STK24: variants seen among roughly 807,000 people sequenced by gnomAD.
STK24 encodes the protein serine/threonine kinase 24.
In STK24, 21 loss-of-function variants were observed where a neutral mutation model predicts 55.6. That is an observed-to-expected ratio of 0.38 (90% CI 0.27 to 0.54). The LOEUF is 0.54. Among genes scored for constraint, STK24 ranks in the 20% least tolerant of loss-of-function variants. The pLI is 0.79. For synonymous variants in STK24, 200 were observed against 215.2 expected (o/e 0.93, Z 0.62); for missense variants, 383 against 538.4 (o/e 0.71, Z 2.86).
chr13:98,529,694 C>T (rs575537206), intron 1 of STK24, among the ~76,000 whole-genome samples: 9 of 152,078 alleles, frequency 5.9e-5, no homozygotes, highest in Non-Finnish European at 1.3e-4. Context: ...GACAAACAAA[C>T]CACCAAACAG....
At chr13:98,566,181 G>T (rs1897565367) in intron 1 of STK24, among the ~76,000 whole-genome samples, 1 of 152,236 alleles carries the variant, frequency 6.6e-6, no homozygotes, top group Non-Finnish European at 1.5e-5. Flanking sequence ...CAATGAAATG[G>T]AGATTTTTCT....
intron 1 of STK24, among the ~76,000 whole-genome samples, chr13:98,546,563 G>T (rs1897033227): frequency 6.6e-6 from 1 of 152,196 alleles, no homozygotes; most frequent in African/African-American, 2.4e-5. Context: ...CAGATGGGCT[G>T]CGTGTCCTTC....
At position 98,566,283 on chromosome 13, in the gene STK24, T is replaced by A. The variant is rs111687401; in HGVS notation, c.42+10462A>T. 3.9e-3 allele frequency among the ~76,000 whole-genome samples: 587 copies of A among 152,368 alleles called. 5 individuals are homozygous for A. The highest frequency in any genetic ancestry group is 0.013 in the African/African-American group (543 of 41,580). On this transcript the variant is annotated intron_variant, in intron 1 of 10. Transcript: ENST00000539966. ...AAATAAAAACGCCCAAAACACCCTC[T>A]GTTCACAGCCCTGAACTCAGCTGTT... is the stretch of plus-strand genomic sequence containing the variant.
chr13:98,459,972 T>C (rs115340815), intron 9 of STK24, among the ~76,000 whole-genome samples: 123 of 152,224 alleles, frequency 8.1e-4, no homozygotes, highest in African/African-American at 2.7e-3. Flanking sequence ...CAGTGAAACA[T>C]GTGGCTCAGG....
In STK24 at chr13:98,446,296, C is replaced by A; in HGVS notation, c.*6877G>T. The A allele has an allele frequency of 1.3e-6, 1 of 799,032 alleles. No individual in the cohort carries two copies. Among genetic ancestry groups the A allele is most frequent in the Admixed American group, 2.3e-5 (1 of 43,078 alleles). 49.5% of individuals were successfully genotyped at this position (799,032 alleles called of 1,614,324 possible). A position where few individuals can be genotyped will look rare whatever the true frequency, so the allele number is the denominator to read the frequency against. Reference sequence around the variant, plus strand: ...CGCCCTCCTCTGGAATGACTCAGGCCTCTTGGGCTCCAGGTGTCACGGGGA... The same window carrying A: ...CGCCCTCCTCTGGAATGACTCAGGCATCTTGGGCTCCAGGTGTCACGGGGA... On this transcript the variant is annotated 3_prime_UTR_variant, in exon 11 of 11. Coordinates refer to ENST00000539966, the MANE Select transcript of STK24 (RefSeq NM_001032296.4).
intron 2 of STK24, among the ~76,000 whole-genome samples, chr13:98,495,855 C>T (rs2139333506): frequency 6.6e-6 from 1 of 152,326 alleles, no homozygotes; most frequent in South Asian, 2.1e-4. Flanking sequence ...TTAGTCCACC[C>T]AAAAGCAAAC....
chr13:98,464,439 G>C (rs1418942517), intron 6 of STK24, among the ~76,000 whole-genome samples: 4 of 147,872 alleles, frequency 2.7e-5, no homozygotes, highest in African/African-American at 7.5e-5. Flanking sequence ...TTATCTCCTA[G>C]TTTATAAAAT....
chr13:98,457,036 CTCTG>C (rs1893490781), intron 10 of STK24, 128 bp downstream of exon 10: 1 of 1,109,670 alleles, frequency 9.0e-7, no homozygotes, highest in Admixed American at 2.9e-5. Context: ...TCTAATTCAA[CTCTG>C]TCTACCCTGA....
intron 1 of STK24, among the ~76,000 whole-genome samples, chr13:98,521,320 C>T (rs1896253014): frequency 6.6e-6 from 1 of 152,164 alleles, no homozygotes; most frequent in Non-Finnish European, 1.5e-5. Flanking sequence ...CACGGCACTA[C>T]ATTTCAAATG....
intron 2 of STK24, among the ~76,000 whole-genome samples, chr13:98,491,806 A>T (rs1386547793): frequency 6.6e-6 from 1 of 152,210 alleles, no homozygotes; most frequent in Non-Finnish European, 1.5e-5. Context: ...AAATGAATCC[A>T]ATCATTTTTA....
chr13:98,521,935 C>T (rs1190242061), intron 1 of STK24: 6 of 1,201,744 alleles, frequency 5.0e-6, no homozygotes, highest in South Asian at 1.3e-5. Context: ...TGGCTCTCTG[C>T]CCTTGGCAAC....
At chr13:98,533,765 C>A (rs1232290804) in intron 1 of STK24, among the ~76,000 whole-genome samples, 1 of 152,106 alleles carries the variant, frequency 6.6e-6, no homozygotes, top group Admixed American at 6.6e-5. Flanking sequence ...ACCCAACACA[C>A]ACACACACAC....
At position 98,557,446 on chromosome 13, in the gene STK24, C is replaced by T. The variant is rs1480747714; in HGVS notation, c.42+19299G>A. On this transcript the variant is annotated intron_variant, in intron 1 of 10. Transcript: ENST00000539966. ...CCAGGGCACCTCCCTCCCTCCATCA[C>T]CATCATCACTGAAGCCTGCCCCGCT... Among the ~76,000 whole-genome samples the T allele has an allele frequency of 5.9e-5, 9 of 152,372 alleles. No individual in the cohort carries two copies. In the South Asian group the frequency reaches 1.0e-3, roughly 18 times the overall value.
chr13:98,459,889 G>T (rs1366231094), intron 9 of STK24, among the ~76,000 whole-genome samples: 1 of 152,232 alleles, frequency 6.6e-6, no homozygotes, highest in African/African-American at 2.4e-5. Flanking sequence ...CTCTGGGAGG[G>T]AGAGGCTGAG....
intron 1 of STK24, among the ~76,000 whole-genome samples, chr13:98,568,686 G>A (rs1897652151): frequency 6.6e-6 from 1 of 152,006 alleles, no homozygotes; most frequent in Admixed American, 6.6e-5. Context: ...GCTCCACATG[G>A]TGAAACCTCA....
In STK24 at chr13:98,548,206, A is replaced by C. The variant is rs149394430; in HGVS notation, c.42+28539T>G. Among the ~76,000 whole-genome samples, 9 of 152,332 alleles carry C rather than the reference A, an allele frequency of 5.9e-5. No homozygotes were observed. The East Asian group carries it at 1.7e-3, about 29-fold the overall frequency. On this transcript the variant is annotated intron_variant, in intron 1 of 10. Coordinates refer to ENST00000539966, the MANE Select transcript of STK24 (RefSeq NM_001032296.4). ...ACATATTATAGTTCCTGGGGCTAAAAATAAGATGTTTTCTTATTCTCCTGG... is the reference window on the plus strand; with the variant it reads ...ACATATTATAGTTCCTGGGGCTAAACATAAGATGTTTTCTTATTCTCCTGG...
chr13:98,519,572 C>T (rs992614123), intron 1 of STK24, 99 bp from the exon 2 acceptor site: 118 of 920,254 alleles, frequency 1.3e-4, no homozygotes, highest in Non-Finnish European at 9.3e-5. Context: ...ACACTGTCTT[C>T]CAGGGACTCA....
intron 2 of STK24, among the ~76,000 whole-genome samples, chr13:98,484,163 A>G (rs1894716862): frequency 6.6e-6 from 1 of 152,214 alleles, no homozygotes; most frequent in African/African-American, 2.4e-5. Context: ...AGTGTCCTTC[A>G]GCACACCTTC....
intron 7 of STK24, among the ~76,000 whole-genome samples, chr13:98,462,727 C>T (rs1893761567): frequency 6.6e-6 from 1 of 152,222 alleles, no homozygotes; most frequent in Non-Finnish European, 1.5e-5. Flanking sequence ...ACCTCGGTGC[C>T]ACTTCACACT....
Sources: allele counts gnomAD v4.1 joint callset (sites outside exome capture counted in the v4.1 genomes callset), GRCh38; gene constraint gnomAD v4.1.1; transcripts MANE v1.5; gene names NCBI Gene and HGNC (gene_info 2026-07-23, HGNC 2026-07-21).